SHOC2: variants seen among roughly 807,000 people sequenced by gnomAD.
The protein encoded by SHOC2 is SHOC2 leucine rich repeat scaffold protein.
SHOC2 carries 4 observed loss-of-function variants against 50.2 expected under a neutral mutation model. That is an observed-to-expected ratio of 0.08 (90% CI 0.04 to 0.18). The LOEUF is 0.18. Among genes scored for constraint, SHOC2 ranks in the 10% least tolerant of loss-of-function variants. The pLI is 1.00. For missense variants in SHOC2, 388 were observed against 669.6 expected, an observed-to-expected ratio of 0.58 and a Z score of 4.64; for synonymous variants, 218 against 244.5, an observed-to-expected ratio of 0.89 and a Z score of 1.01.
chr10:110,992,856 G>T (rs1397944924), intron 3 of SHOC2, among the ~76,000 whole-genome samples: 2 of 151,942 alleles, frequency 1.3e-5, no homozygotes, highest in Admixed American at 6.6e-5. Flanking sequence ...AAAAATAATG[G>T]TACCTTTGAC....
intron 1 of SHOC2, 150 bp downstream of exon 1, chr10:110,919,807 AGGGGCC>A (rs2134059920): frequency 2.6e-6 from 1 of 390,080 alleles, no homozygotes; most frequent in African/African-American, 2.1e-5. Flanking sequence ...GCGAGGCCCG[AGGGGCC>A]GGGGCCCTGG....
intron 5 of SHOC2, among the ~76,000 whole-genome samples, chr10:111,006,426 A>C (rs1848467782): frequency 6.6e-6 from 1 of 152,082 alleles, no homozygotes. Flanking sequence ...GCTGGAGTGC[A>C]GTGGCGGGAT....
chr10:110,989,971 G>C (rs537360662), intron 3 of SHOC2, among the ~76,000 whole-genome samples: 6 of 152,264 alleles, frequency 3.9e-5, no homozygotes, highest in African/African-American at 1.4e-4. Context: ...TGTAAGTTTG[G>C]TTAGTATGAA....
rs370567948 is a variant in SHOC2 at position 110,975,903 on chromosome 10, T to A, written c.704-9725T>A. Among the ~76,000 whole-genome samples, 44 of 150,054 alleles carry A rather than the reference T, an allele frequency of 2.9e-4. 1 individual carries two copies. In the East Asian group the frequency reaches 5.1e-3, roughly 17 times the overall value. ...ACTAATTTTAGCACTCGTTGCTGGA[T>A]CTTCTCTTCTTCTTTTTTTTTTGTG... On this transcript the variant is annotated intron_variant, in intron 2 of 8. Transcript: ENST00000369452.
At chr10:111,000,384 A>C in intron 3 of SHOC2, 31 bp from the exon 4 acceptor site, 2 of 1,611,966 alleles carry the variant, frequency 1.2e-6, no homozygotes, top group Non-Finnish European at 8.5e-7. Flanking sequence ...TTTTGTAAAA[A>C]ATAAATTTCT....
intron 4 of SHOC2, among the ~76,000 whole-genome samples, chr10:111,002,641 A>G (rs938313356): frequency 6.6e-6 from 1 of 152,182 alleles, no homozygotes; most frequent in African/African-American, 2.4e-5. Context: ...GAGAGGTTAT[A>G]TTTTTGGCCA....
At chr10:110,950,944 A>C (rs1847339299) in intron 1 of SHOC2, among the ~76,000 whole-genome samples, 1 of 152,230 alleles carries the variant, frequency 6.6e-6, no homozygotes, top group South Asian at 2.1e-4. Context: ...ACCAGAAGAA[A>C]ACAAAGGGAA....
At chr10:110,955,557 T>G (rs1270583881) in intron 1 of SHOC2, among the ~76,000 whole-genome samples, 1 of 152,186 alleles carries the variant, frequency 6.6e-6, no homozygotes, top group Non-Finnish European at 1.5e-5. Context: ...TGCAGAGTTT[T>G]GTGTAGACTC....
At chr10:110,983,398 G>C (rs1848019744) in intron 2 of SHOC2, among the ~76,000 whole-genome samples, 1 of 151,804 alleles carries the variant, frequency 6.6e-6, no homozygotes, top group Non-Finnish European at 1.5e-5. Context: ...TCTTGAGATG[G>C]AGACTTAGAT....
intron 1 of SHOC2, among the ~76,000 whole-genome samples, chr10:110,946,956 G>A (rs989830060): frequency 2.0e-5 from 3 of 152,140 alleles, no homozygotes; most frequent in African/African-American, 4.8e-5. Context: ...GAAGCATTTC[G>A]AATAACCACT....
chr10:110,989,963 T>A (rs1848150280), intron 3 of SHOC2, among the ~76,000 whole-genome samples: 2 of 152,226 alleles, frequency 1.3e-5, no homozygotes, highest in Admixed American at 1.3e-4. Context: ...TATGTATCTG[T>A]AAGTTTGGTT....
At chr10:110,926,768 C>A (rs1846784708) in intron 1 of SHOC2, among the ~76,000 whole-genome samples, 2 of 152,050 alleles carry the variant, frequency 1.3e-5, no homozygotes, top group Admixed American at 6.5e-5. Context: ...AAATTCCATT[C>A]AAAATGATAC....
intron 3 of SHOC2, among the ~76,000 whole-genome samples, chr10:110,991,278 A>G (rs1010061659): frequency 3.9e-5 from 6 of 152,302 alleles, no homozygotes; most frequent in South Asian, 4.1e-4. Flanking sequence ...TTAGTGTCCT[A>G]TTGGAGGTAA....
At chr10:111,008,192 T>C (rs889498301) in intron 6 of SHOC2, among the ~76,000 whole-genome samples, 1 of 148,782 alleles carries the variant, frequency 6.7e-6, no homozygotes, top group Admixed American at 6.8e-5. Flanking sequence ...TAGTATGTTT[T>C]TCCATAATTA....
intron 1 of SHOC2, among the ~76,000 whole-genome samples, chr10:110,921,146 A>G (rs896652628): frequency 1.3e-5 from 2 of 152,222 alleles, no homozygotes; most frequent in Non-Finnish European, 2.9e-5. Context: ...TAGCTATTGC[A>G]TCCAATTTGT....
At position 110,973,402 on chromosome 10, in the gene SHOC2, C is replaced by T. The variant is rs147583118; in HGVS notation, c.703+8341C>T. Among the ~76,000 whole-genome samples the T allele has an allele frequency of 8.2e-4, 124 of 151,984 alleles. 3 individuals carry two copies. The East Asian group carries it at 0.02, about 24-fold the overall frequency. ...GCCTACTAGGTACATTTTCAAAGGG[C>T]CTTTTTATATATTTCTGGATTTAAT... On this transcript the variant is annotated intron_variant, in intron 2 of 8. Transcript: ENST00000369452.
At chr10:110,968,196 T>C (rs12266042) in intron 2 of SHOC2, among the ~76,000 whole-genome samples, 1 of 152,150 alleles carries the variant, frequency 6.6e-6, no homozygotes, top group African/African-American at 2.4e-5. Context: ...TAGTTTTGTT[T>C]TGCAGTTCCC....
chr10:110,987,611 AATAAG>A (rs1848104071), intron 3 of SHOC2, among the ~76,000 whole-genome samples: 1 of 152,186 alleles, frequency 6.6e-6, no homozygotes, highest in Non-Finnish European at 1.5e-5. Flanking sequence ...TCCTGTATAA[AATAAG>A]AGAATCAGAT....
chr10:110,989,135 G>C, intron 3 of SHOC2: 1 of 455,816 alleles, frequency 2.2e-6, no homozygotes, highest in Non-Finnish European at 4.2e-6. Context: ...CATGGTAAAA[G>C]TATTCCATGT....
Sources: gnomAD v4.1 joint callset for allele counts (sites outside exome capture counted in the v4.1 genomes callset) on GRCh38, gnomAD v4.1.1 for gene constraint, MANE v1.5 for transcripts, NCBI Gene and HGNC (gene_info 2026-07-23, HGNC 2026-07-21) for gene names.